The following FILIP1 variants were observed in gnomAD, a reference collection of about 807,000 sequenced individuals.
FILIP1 encodes the protein filamin A interacting protein 1, also known as filamin-A-interacting protein 1.
Under a neutral mutation model 102.1 loss-of-function variants are expected in FILIP1, and 61 were observed. The ratio of observed to expected loss-of-function variants is 0.60; its 90% CI spans 0.49 to 0.74. The LOEUF (loss-of-function observed/expected upper bound fraction) is 0.74, where lower values mean the gene tolerates loss of function less well. Among genes scored for constraint, FILIP1 ranks in the 30% least tolerant of loss-of-function variants. The pLI, the probability that FILIP1 is intolerant of heterozygous loss-of-function variation, is 0.00. For synonymous variants in FILIP1, 491 were observed against 526.9 expected (o/e 0.93, Z 0.93); for missense variants, 1,314 against 1,441.2 (o/e 0.91, Z 1.43).
chr6:75,365,615 G>T (rs961751041), intron 2 of FILIP1, among the ~76,000 whole-genome samples: 4 of 152,134 alleles, frequency 2.6e-5, no homozygotes, highest in African/African-American at 9.7e-5. Flanking sequence ...TCGAACTCCT[G>T]ACCTCAGGTG....
chr6:75,318,419 G>A (rs1222043357), intron 4 of FILIP1, among the ~76,000 whole-genome samples: 3 of 151,502 alleles, frequency 2.0e-5, no homozygotes, highest in Non-Finnish European at 4.4e-5. Context: ...ATTTTTTGTA[G>A]AGACAGAGTC....
chr6:75,404,230 A>T (rs575532317), intron 2 of FILIP1, among the ~76,000 whole-genome samples: 2 of 152,192 alleles, frequency 1.3e-5, no homozygotes, highest in South Asian at 4.2e-4. Context: ...ATATAGCAAG[A>T]TTGTCCCCAA....
intron 1 of FILIP1, among the ~76,000 whole-genome samples, chr6:75,418,147 G>A (rs554335178): frequency 2.0e-5 from 3 of 152,292 alleles, no homozygotes; most frequent in South Asian, 4.1e-4. Flanking sequence ...GTAGTGAGCC[G>A]AGATTGTGCC....
At chr6:75,315,341 T>C (rs1773407569) in intron 4 of FILIP1, 139 bp from the exon 5 acceptor site, 1 of 599,008 alleles carries the variant, frequency 1.7e-6, no homozygotes, top group African/African-American at 1.9e-5. Flanking sequence ...AGAATAGCCA[T>C]TAATGAAATG....
intron 5 of FILIP1, among the ~76,000 whole-genome samples, chr6:75,311,423 C>T (rs149362732): frequency 2.0e-5 from 3 of 151,722 alleles, no homozygotes; most frequent in Non-Finnish European, 2.9e-5. Flanking sequence ...ATTTAAGTTC[C>T]GGCTTTTGTG....
chr6:75,426,126 C>G (rs1777617548), intron 1 of FILIP1, among the ~76,000 whole-genome samples: 1 of 151,826 alleles, frequency 6.6e-6, no homozygotes, highest in Non-Finnish European at 1.5e-5. Flanking sequence ...GTTTGCCAAC[C>G]CTGATCGAGA....
chr6:75,478,623 G>T (rs1779556638), intron 1 of FILIP1, among the ~76,000 whole-genome samples: 1 of 152,184 alleles, frequency 6.6e-6, no homozygotes, highest in African/African-American at 2.4e-5. Context: ...ACGCAAGACA[G>T]GTGGTGTTCT....
intron 2 of FILIP1, among the ~76,000 whole-genome samples, chr6:75,372,693 AAGAGAAAGAAAGAAAGAAAGGAAAGAAAG>A (rs1775588728): frequency 2.4e-5 from 1 of 41,676 alleles, no homozygotes; most frequent in Non-Finnish European, 4.5e-5. Context: ...AAGAGAAAGA[AAGAGAAAGAAAGAAAGAAAGGAAAGAAAG>A]AGAAAGAGAA....
At chr6:75,399,457 C>T (rs1333230787) in intron 2 of FILIP1, among the ~76,000 whole-genome samples, 1 of 152,144 alleles carries the variant, frequency 6.6e-6, no homozygotes, top group South Asian at 2.1e-4. Context: ...TACTACCATA[C>T]AATAGGCCAT....
intron 4 of FILIP1, among the ~76,000 whole-genome samples, chr6:75,336,109 A>AT (rs1774234237): frequency 2.0e-5 from 3 of 152,220 alleles, no homozygotes; most frequent in Middle Eastern, 3.4e-3. Flanking sequence ...TTTTTTAGCT[A>AT]TTTTTTAATA....
chr6:75,301,734 G>A (rs1013743343), intron 6 of FILIP1, among the ~76,000 whole-genome samples: 1 of 152,140 alleles, frequency 6.6e-6, no homozygotes, highest in African/African-American at 2.4e-5. Context: ...ATAGCTCAGT[G>A]CTAAATCATA....
intron 3 of FILIP1, among the ~76,000 whole-genome samples, chr6:75,356,790 A>T (rs1345395326): frequency 6.6e-6 from 1 of 152,116 alleles, no homozygotes. Context: ...TCTTAAAGGG[A>T]CAGTCTATAC....
chr6:75,374,841 C>T (rs983760308), intron 2 of FILIP1, among the ~76,000 whole-genome samples: 4 of 152,222 alleles, frequency 2.6e-5, no homozygotes, highest in Admixed American at 2.0e-4. Flanking sequence ...TCTGGTACAA[C>T]TCTGTTTATT....
At chr6:75,409,721 T>C (rs7451480) in intron 2 of FILIP1, among the ~76,000 whole-genome samples, 1 of 152,136 alleles carries the variant, frequency 6.6e-6, no homozygotes, top group Non-Finnish European at 1.5e-5. Context: ...ATTGCTCCTA[T>C]AGATAACACC....
At chr6:75,319,387 T>C in intron 4 of FILIP1, 4 of 627,254 alleles carry the variant, frequency 6.4e-6, no homozygotes, top group Non-Finnish European at 9.2e-6. Context: ...TTGGGTGCCC[T>C]GGAGTCCTTG....
chr6:75,338,599 C>A (rs528326076), intron 4 of FILIP1, among the ~76,000 whole-genome samples: 2 of 152,110 alleles, frequency 1.3e-5, no homozygotes, highest in African/African-American at 4.8e-5. Flanking sequence ...TGTAGTGATA[C>A]GAGACAACAC....
In FILIP1 at chr6:75,374,441, C is replaced by A. The variant is rs532132929; in HGVS notation, c.277-11524G>T. On this transcript the variant is annotated intron_variant, in intron 2 of 5. Coordinates refer to ENST00000237172, the MANE Select transcript of FILIP1 (RefSeq NM_015687.5). ...TCGCCCAGGCTGGAGTACAGTGGTG[C>A]GATCTCAGCTCACTGCAACCTCCAC... Among the ~76,000 whole-genome samples the A allele has an allele frequency of 5.3e-5, 8 of 152,162 alleles. No individual in the cohort carries two copies. In the South Asian group the frequency reaches 1.7e-3, roughly 32 times the overall value.
intron 1 of FILIP1, among the ~76,000 whole-genome samples, chr6:75,449,520 G>A (rs954005300): frequency 6.6e-6 from 1 of 152,088 alleles, no homozygotes; most frequent in African/African-American, 2.4e-5. Context: ...CTGGACATGT[G>A]CCTGTAATCC....
chr6:75,373,985 C>T (rs1308280423), intron 2 of FILIP1, among the ~76,000 whole-genome samples: 1 of 152,108 alleles, frequency 6.6e-6, no homozygotes, highest in Non-Finnish European at 1.5e-5. Flanking sequence ...ACTGAAACCC[C>T]ATCTCAAAAC....
Sources: allele counts gnomAD v4.1 joint callset (sites outside exome capture counted in the v4.1 genomes callset), GRCh38; gene constraint gnomAD v4.1.1; transcripts MANE v1.5; gene names NCBI Gene and HGNC (gene_info 2026-07-23, HGNC 2026-07-21).